PTPRN2: variants seen among roughly 807,000 people sequenced by gnomAD.
The protein encoded by PTPRN2 is receptor-type tyrosine-protein phosphatase N2.
A neutral mutation model predicts 118.8 loss-of-function variants in PTPRN2; 74 were observed. The ratio of observed to expected loss-of-function variants is 0.62; its 90% CI spans 0.52 to 0.76. The LOEUF is 0.76. PTPRN2 is among the 30% of genes least tolerant of loss of function. The pLI is 0.00. For synonymous variants in PTPRN2, 641 were observed against 608.0 expected (o/e 1.05, Z -0.80); for missense variants, 1,481 against 1,394.4 (o/e 1.06, Z -0.99).
intron 4 of PTPRN2, among the ~76,000 whole-genome samples, chr7:158,199,832 A>G (rs1826494973): frequency 6.6e-6 from 1 of 152,164 alleles, no homozygotes; most frequent in Admixed American, 6.5e-5. Context: ...GCCTGGTTAG[A>G]AGCAGCTCCT....
rs913574152 is a variant in PTPRN2 at position 157,674,866 on chromosome 7, G to T, written c.2001+7859C>A. ...CGGGGGGGTCTGCACAGTTCTGGGTGGGGGAGGCTCCAGGAGCTACCCGAG... is the reference window on the plus strand; with the variant it reads ...CGGGGGGGTCTGCACAGTTCTGGGTTGGGGAGGCTCCAGGAGCTACCCGAG... On this transcript the variant is annotated intron_variant, in intron 13 of 22. Transcript: ENST00000389418. This position sits in a 1 kb window ranked among gnomAD's most constrained non-coding sequence, Gnocchi z 4.5. Among the ~76,000 whole-genome samples the T allele has an allele frequency of 2.0e-5, 3 of 152,308 alleles. No individual in the cohort carries two copies. Among genetic ancestry groups the T allele is most frequent in the African/African-American group, 7.2e-5 (3 of 41,584 alleles).
At chr7:158,025,773 G>A (rs1807217709) in intron 11 of PTPRN2, among the ~76,000 whole-genome samples, 1 of 152,228 alleles carries the variant, frequency 6.6e-6, no homozygotes, top group Admixed American at 6.5e-5. Context: ...TGCAGTAATT[G>A]ACACAAGATC....
At chr7:157,800,748 C>T (rs895308921) in intron 12 of PTPRN2, among the ~76,000 whole-genome samples, 103 of 151,958 alleles carry the variant, frequency 6.8e-4, no homozygotes, top group Non-Finnish European at 1.2e-3. Context: ...GTCAGGAGAT[C>T]GAGACCATCC....
At chr7:158,080,653 T>C (rs1403573476) in intron 11 of PTPRN2, among the ~76,000 whole-genome samples, 1 of 151,710 alleles carries the variant, frequency 6.6e-6, no homozygotes, top group Admixed American at 6.6e-5. Flanking sequence ...TTCAAGACTC[T>C]GGAGAGTAAA....
intron 2 of PTPRN2, among the ~76,000 whole-genome samples, chr7:158,434,279 A>G (rs896549528): frequency 2.6e-5 from 4 of 152,232 alleles, no homozygotes; most frequent in African/African-American, 7.2e-5. Flanking sequence ...ACCAATAATA[A>G]AAACAAACAT....
Position 157,550,655 on chromosome 7 carries a change from C to A in PTPRN2, c.2903-1636G>T, listed in dbSNP as rs557303431. On this transcript the variant is annotated intron_variant, in intron 21 of 22. Transcript: ENST00000389418. This position sits in a 1 kb window ranked among gnomAD's most constrained non-coding sequence, Gnocchi z 5.2. ...AGCTGGCCGTCCCTCCAGCTCCCATCCCCTGGTTAAAGGACCCCATTCTCC... is the reference window on the plus strand; with the variant it reads ...AGCTGGCCGTCCCTCCAGCTCCCATACCCTGGTTAAAGGACCCCATTCTCC... 3.9e-5 allele frequency among the ~76,000 whole-genome samples: 6 copies of A among 152,296 alleles called. 1 individual carries two copies. The South Asian group carries it at 1.2e-3, about 32-fold the overall frequency.
At chr7:158,149,575 G>T (rs1255778589) in intron 6 of PTPRN2, among the ~76,000 whole-genome samples, 1 of 152,136 alleles carries the variant, frequency 6.6e-6, no homozygotes, top group East Asian at 1.9e-4. Flanking sequence ...GTCCGAGGTG[G>T]GTGGATCACC....
At chr7:158,347,202 G>A (rs1483344161) in intron 2 of PTPRN2, among the ~76,000 whole-genome samples, 2 of 152,148 alleles carry the variant, frequency 1.3e-5, no homozygotes, top group African/African-American at 4.8e-5. Context: ...ATTTTGCCCT[G>A]TGATTTCTTC....
chr7:158,553,003 C>A (rs1183526264), intron 1 of PTPRN2, among the ~76,000 whole-genome samples: 2 of 152,134 alleles, frequency 1.3e-5, no homozygotes, highest in African/African-American at 4.8e-5. Context: ...CACCACCCTT[C>A]CTGTCTACAC....
At chr7:157,796,624 A>G (rs1011291745) in intron 12 of PTPRN2, among the ~76,000 whole-genome samples, 12 of 152,218 alleles carry the variant, frequency 7.9e-5, no homozygotes. Flanking sequence ...AGACTGGATG[A>G]TTCTAGGAAA....
At chr7:158,359,597 A>G (rs1808682510) in intron 2 of PTPRN2, among the ~76,000 whole-genome samples, 1 of 152,166 alleles carries the variant, frequency 6.6e-6, no homozygotes, top group African/African-American at 2.4e-5. Flanking sequence ...CAAAGATTAA[A>G]CATAATAATA....
rs1164009116 is a variant in PTPRN2, at chr7:157,779,060, G to A, written c.1789-96123C>T. 5.9e-5 allele frequency among the ~76,000 whole-genome samples: 9 copies of A among 152,228 alleles called. No individual in the cohort carries two copies. The highest frequency in any genetic ancestry group is 1.7e-4 in the African/African-American group (7 of 41,474). ...GTGTTCTCTGAGGGGTTGTGCCGGG[G>A]TCTTCAGACAGTGCCCTCCCTGGGG... On this transcript the variant is annotated intron_variant, in intron 12 of 22. Transcript: ENST00000389418. The surrounding 1 kb of genome is among the most constrained non-coding windows in gnomAD (Gnocchi z 4.7).
At chr7:157,799,552 C>T (rs905018368) in intron 12 of PTPRN2, among the ~76,000 whole-genome samples, 1 of 152,132 alleles carries the variant, frequency 6.6e-6, no homozygotes, top group African/African-American at 2.4e-5. Context: ...GCGGGTCCCT[C>T]ATCTGACTCG....
At chr7:157,566,031 C>T (rs758151298) in intron 21 of PTPRN2, among the ~76,000 whole-genome samples, 8 of 152,228 alleles carry the variant, frequency 5.3e-5, no homozygotes, top group Non-Finnish European at 1.0e-4. Context: ...GAAAGAACTT[C>T]AACTATTCTG....
At position 157,603,895 on chromosome 7, in the gene PTPRN2, T is replaced by G; in HGVS notation, c.2418+107A>C. On this transcript the variant is annotated intron_variant, in intron 16 of 22. Transcript: ENST00000389418. The surrounding 1 kb of genome is among the most constrained non-coding windows in gnomAD (Gnocchi z 5.4). Reference sequence around the variant, plus strand: ...TCGGCCCTGTCCACCGCAGAGACGCTGAGCTGGGTGGGGACGTGATTTCCC... The same window carrying G: ...TCGGCCCTGTCCACCGCAGAGACGCGGAGCTGGGTGGGGACGTGATTTCCC... 10 of 1,071,466 alleles carry G rather than the reference T, an allele frequency of 9.3e-6. No homozygotes were observed. The highest frequency in any genetic ancestry group is 1.4e-5 in the Non-Finnish European group (10 of 729,658). 66.4% of individuals were successfully genotyped at this position (1,071,466 alleles called of 1,614,324 possible).
chr7:158,571,165 C>T (rs544690905), intron 1 of PTPRN2, among the ~76,000 whole-genome samples: 1 of 152,126 alleles, frequency 6.6e-6, no homozygotes, highest in Admixed American at 6.5e-5. Flanking sequence ...TTTAATTATG[C>T]CGTGTGTTGG....
intron 19 of PTPRN2, among the ~76,000 whole-genome samples, chr7:157,571,711 T>C (rs77683150): frequency 0.011 from 1,600 of 152,348 alleles, 24 homozygotes; most frequent in African/African-American, 0.037. Context: ...ATGTTACACC[T>C]CTACACTGCT....
rs1804152174 is a variant in PTPRN2 at position 157,787,644 on chromosome 7, A to C, written c.1789-104707T>G. Among the ~76,000 whole-genome samples the C allele has an allele frequency of 6.6e-6, 1 of 152,006 alleles. No homozygotes were observed. Among genetic ancestry groups the C allele is most frequent in the Non-Finnish European group, 1.5e-5 (1 of 67,996 alleles). On this transcript the variant is annotated intron_variant, in intron 12 of 22. Coordinates refer to ENST00000389418, the MANE Select transcript of PTPRN2 (RefSeq NM_002847.5). The surrounding 1 kb of genome is among the most constrained non-coding windows in gnomAD (Gnocchi z 5.3). ...GGACAAGGACATGCATTTCACACTG[A>C]CCGGGGCCTCCCTGGGACACCCTGA...
chr7:157,928,656 G>A (rs146491342), intron 11 of PTPRN2, among the ~76,000 whole-genome samples: 2,616 of 149,926 alleles, frequency 0.017, 74 homozygotes, highest in African/African-American at 0.062. Flanking sequence ...CACCAGGGCT[G>A]GGAGTGCAAG....
Sources: allele counts gnomAD v4.1 joint callset (sites outside exome capture counted in the v4.1 genomes callset), GRCh38; gene constraint gnomAD v4.1.1; non-coding constraint Gnocchi (gnomAD v3.1); transcripts MANE v1.5; gene names NCBI Gene and HGNC (gene_info 2026-07-23, HGNC 2026-07-21).